Variants in CNIH3 observed in about 807,000 individuals in gnomAD.
The protein encoded by CNIH3 is cornichon family AMPA receptor auxiliary protein 3.
CNIH3 carries 14 observed loss-of-function variants against 24.1 expected under a neutral mutation model. That is an observed-to-expected ratio of 0.58 (90% CI 0.38 to 0.91). CNIH3 has a LOEUF of 0.91. Among genes scored for constraint, CNIH3 ranks in the 40% least tolerant of loss-of-function variants. CNIH3 has a pLI of 0.00. For missense variants in CNIH3, 178 were observed against 196.8 expected, an observed-to-expected ratio of 0.90 and a Z score of 0.57; for synonymous variants, 68 against 73.8, an observed-to-expected ratio of 0.92 and a Z score of 0.40.
intron 2 of CNIH3, among the ~76,000 whole-genome samples, chr1:224,681,761 A>T (rs1381422218): frequency 6.6e-6 from 1 of 152,164 alleles, no homozygotes; most frequent in Non-Finnish European, 1.5e-5. Context: ...CATGTCCCGG[A>T]GCCAGAGACC....
chr1:224,473,451 A>G (rs1419136024), intron 1 of CNIH3, among the ~76,000 whole-genome samples: 1 of 152,210 alleles, frequency 6.6e-6, no homozygotes, highest in African/African-American at 2.4e-5. Context: ...AAAGAAATAC[A>G]CTTCACCACT....
chr1:224,700,181 C>T (rs1243951010), intron 3 of CNIH3, among the ~76,000 whole-genome samples: 1 of 152,216 alleles, frequency 6.6e-6, no homozygotes, highest in Admixed American at 6.5e-5. Context: ...AACCCCACGT[C>T]TTGTTTGCTA....
chr1:224,518,258 T>C (rs1174877599), intron 1 of CNIH3, among the ~76,000 whole-genome samples: 1 of 152,210 alleles, frequency 6.6e-6, no homozygotes, highest in Non-Finnish European at 1.5e-5. Context: ...TCAATAAACA[T>C]TAATTGAGTG....
intron 1 of CNIH3, among the ~76,000 whole-genome samples, chr1:224,498,018 CAGA>C (rs1212088217): frequency 3.3e-5 from 5 of 152,284 alleles, no homozygotes; most frequent in South Asian, 2.1e-4. Context: ...CAGAAAAGCT[CAGA>C]AGGAGGAAGA....
At chr1:224,717,227 C>T (rs1292090055) in intron 3 of CNIH3, among the ~76,000 whole-genome samples, 1 of 152,174 alleles carries the variant, frequency 6.6e-6, no homozygotes, top group Non-Finnish European at 1.5e-5. Context: ...GTTAAAACCT[C>T]AAGATCAGGG....
At chr1:224,606,652 A>G (rs1420633033) in intron 3 of CNIH3, among the ~76,000 whole-genome samples, 4 of 152,224 alleles carry the variant, frequency 2.6e-5, no homozygotes, top group Non-Finnish European at 5.9e-5. Context: ...ACTTTGGGCT[A>G]CAGGTCCTGG....
Position 224,563,460 on chromosome 1 carries a change from GGTGTGT to G in CNIH3, n.451-2706_451-2701del, listed in dbSNP as rs55836837. Among the ~76,000 whole-genome samples the G allele has an allele frequency of 5.4e-3, 796 of 146,458 alleles. 10 individuals carry two copies. Among genetic ancestry groups the G allele is most frequent in the African/African-American group, 0.016 (623 of 39,614 alleles). On this transcript the variant is annotated intron_variant and non_coding_transcript_variant, in intron 3 of 5. Coordinates refer to the CNIH3 transcript ENST00000471578. ...TACTACATTGAAATATTTTAGACGG[GGTGTGT>G]GTGTGTGTGTGTGTGTGTGTGTGTG...
chr1:224,672,747 T>G (rs1685932113), intron 1 of CNIH3, among the ~76,000 whole-genome samples: 1 of 152,196 alleles, frequency 6.6e-6, no homozygotes, highest in South Asian at 2.1e-4. Flanking sequence ...AGATATGAAT[T>G]TTGGAGGTCA....
chr1:224,667,822 A>G (rs762485448), intron 1 of CNIH3, among the ~76,000 whole-genome samples: 6 of 152,102 alleles, frequency 3.9e-5, no homozygotes, highest in African/African-American at 9.7e-5. Flanking sequence ...TGGCATACCA[A>G]TCCCTAAGGT....
intron 1 of CNIH3, among the ~76,000 whole-genome samples, chr1:224,617,488 C>T (rs1010760655): frequency 6.6e-6 from 1 of 152,118 alleles, no homozygotes; most frequent in Non-Finnish European, 1.5e-5. Context: ...CTGCAGGGCC[C>T]GACTGGGCGT....
At chr1:224,682,044 G>A (rs942315794) in intron 2 of CNIH3, among the ~76,000 whole-genome samples, 3 of 152,078 alleles carry the variant, frequency 2.0e-5, no homozygotes, top group Non-Finnish European at 4.4e-5. Context: ...AATGTTTGTG[G>A]CGTCATTCAG....
upstream of CNIH3, among the ~76,000 whole-genome samples, chr1:224,514,867 A>T (rs1475080002): frequency 6.6e-6 from 1 of 152,192 alleles, no homozygotes; most frequent in Non-Finnish European, 1.5e-5. Context: ...CCATTAAAAC[A>T]GAAGCCCCTT....
rs1389419539 is a variant in CNIH3, at chr1:224,703,930, C to G, written c.198+19087C>G. 2.0e-5 allele frequency among the ~76,000 whole-genome samples: 3 copies of G among 152,214 alleles called. No individual in the cohort carries two copies. The highest frequency in any genetic ancestry group is 4.4e-5 in the Non-Finnish European group (3 of 68,042). ...CTGCTCTGCAGGCCTCCCACCTCAG[C>G]CTACGACGTATTCCAACTCAAAGGG... On this transcript the variant is annotated intron_variant, in intron 3 of 5. Transcript: ENST00000272133. The surrounding 1 kb of genome is among the most constrained non-coding windows in gnomAD (Gnocchi z 4.2).
chr1:224,644,833 G>C (rs1255940477), intron 1 of CNIH3, among the ~76,000 whole-genome samples: 1 of 152,238 alleles, frequency 6.6e-6, no homozygotes, highest in Non-Finnish European at 1.5e-5. Flanking sequence ...GCAAATGCCA[G>C]TGCTGGAAAC....
chr1:224,490,092 A>G (rs1677186118), intron 1 of CNIH3, among the ~76,000 whole-genome samples: 1 of 152,244 alleles, frequency 6.6e-6, no homozygotes, highest in Admixed American at 6.5e-5. Flanking sequence ...AAGAGAAAGC[A>G]ACTTTATTTG....
At chr1:224,480,268 G>T (rs989359448) in intron 1 of CNIH3, among the ~76,000 whole-genome samples, 1 of 152,138 alleles carries the variant, frequency 6.6e-6, no homozygotes, top group East Asian at 1.9e-4. Context: ...TCCCTAGACC[G>T]CACACAGCAC....
intron 3 of CNIH3, among the ~76,000 whole-genome samples, chr1:224,688,561 C>T (rs2125154497): frequency 6.6e-6 from 1 of 152,290 alleles, no homozygotes; most frequent in South Asian, 2.1e-4. Flanking sequence ...AATCCTTCTT[C>T]TTGGGAACAC....
At chr1:224,675,293 T>C (rs1232858532) in intron 1 of CNIH3, among the ~76,000 whole-genome samples, 1 of 152,226 alleles carries the variant, frequency 6.6e-6, no homozygotes, top group Non-Finnish European at 1.5e-5. Context: ...ATAACTGGAA[T>C]AGTCCTAAAT....
At chr1:224,510,313 C>T (rs1678091479) in intron 1 of CNIH3, among the ~76,000 whole-genome samples, 1 of 152,062 alleles carries the variant, frequency 6.6e-6, no homozygotes, top group African/African-American at 2.4e-5. Context: ...GATGGGCAGG[C>T]ATGGAGTGTC....
Sources: allele counts gnomAD v4.1 joint callset (sites outside exome capture counted in the v4.1 genomes callset), GRCh38; gene constraint gnomAD v4.1.1; non-coding constraint Gnocchi (gnomAD v3.1); transcripts MANE v1.5; gene names NCBI Gene and HGNC (gene_info 2026-07-23, HGNC 2026-07-21).